Variants in NTM observed in about 807,000 individuals in gnomAD.
The protein encoded by NTM is neurotrimin, also known as IgLON family member 2.
NTM carries 13 observed loss-of-function variants against 42.1 expected under a neutral mutation model. That is an observed-to-expected ratio of 0.31 (90% CI 0.20 to 0.49). The LOEUF is 0.49. Among genes scored for constraint, NTM ranks in the 20% least tolerant of loss-of-function variants. The pLI is 0.99. For missense variants in NTM, 373 were observed against 452.8 expected (o/e 0.82, Z 1.60); for synonymous variants, 187 against 179.2 (o/e 1.04, Z -0.35).
At chr11:131,947,446 C>T (rs1230565645) in intron 2 of NTM, among the ~76,000 whole-genome samples, 1 of 152,166 alleles carries the variant, frequency 6.6e-6, no homozygotes, top group African/African-American at 2.4e-5. Flanking sequence ...CTCCCCGGGA[C>T]TGTCTTCCTG....
intron 1 of NTM, among the ~76,000 whole-genome samples, chr11:131,376,097 C>T (rs1289378540): frequency 6.6e-6 from 1 of 152,128 alleles, no homozygotes; most frequent in East Asian, 1.9e-4. Flanking sequence ...TGCAGGCTTG[C>T]CTAGGAGAAG....
chr11:132,236,408 T>G (rs2088906666), intron 4 of NTM, among the ~76,000 whole-genome samples: 1 of 152,192 alleles, frequency 6.6e-6, no homozygotes, highest in South Asian at 2.1e-4. Context: ...AGACTTGGAA[T>G]CAAACAGACC....
At chr11:131,592,647 AACACACACACACACACACACAC>A (rs3040142) in intron 1 of NTM, among the ~76,000 whole-genome samples, 119 of 140,788 alleles carry the variant, frequency 8.5e-4, no homozygotes, top group Non-Finnish European at 1.2e-3. Context: ...ACACACCCCA[AACACACACACACACACACACAC>A]ACACACACAC....
At chr11:131,940,391 G>A (rs2059669082) in intron 2 of NTM, among the ~76,000 whole-genome samples, 2 of 152,346 alleles carry the variant, frequency 1.3e-5, no homozygotes, top group South Asian at 4.1e-4. Flanking sequence ...CAAGACGTTA[G>A]TGGGTATACA....
At chr11:131,660,428 C>G in intron 1 of NTM, 1 of 456,428 alleles carries the variant, frequency 2.2e-6, no homozygotes, top group South Asian at 1.6e-5. Context: ...AGAGCAGAGT[C>G]ATTTGAAAGA....
At chr11:131,546,349 G>C (rs983884935) in intron 1 of NTM, among the ~76,000 whole-genome samples, 2 of 152,150 alleles carry the variant, frequency 1.3e-5, no homozygotes, top group African/African-American at 4.8e-5. Context: ...ATACAAACAA[G>C]GTTCCCACGG....
chr11:131,604,968 A>G (rs1261231820), intron 1 of NTM, among the ~76,000 whole-genome samples: 3 of 151,922 alleles, frequency 2.0e-5, no homozygotes, highest in Non-Finnish European at 2.9e-5. Flanking sequence ...ACTGTAGGCT[A>G]CTAATACGTT....
chr11:132,219,635 C>G lies in NTM; in HGVS notation c.526+7488C>G, dbSNP rs181526325. Among the ~76,000 whole-genome samples, 152 of 152,110 alleles carry G rather than the reference C, an allele frequency of 1.0e-3. 1 individual carries two copies. Among genetic ancestry groups the G allele is most frequent in the African/African-American group, 3.5e-3 (145 of 41,484 alleles). ...AATTCATAAGAAAAGGCCCTCCCCC[C>G]CCACTGTCTTCCTCATGTGTACTCA... On this transcript the variant is annotated intron_variant, in intron 4 of 8. Coordinates refer to ENST00000683400, the MANE Select transcript of NTM (RefSeq NM_001352005.2).
At chr11:131,639,207 C>G (rs1042938453) in intron 1 of NTM, among the ~76,000 whole-genome samples, 3 of 152,182 alleles carry the variant, frequency 2.0e-5, no homozygotes, top group Non-Finnish European at 4.4e-5. Flanking sequence ...AATGTTAAGA[C>G]GTCTTTTAGC....
At chr11:131,506,258 GT>G (rs2047477474) in intron 1 of NTM, among the ~76,000 whole-genome samples, 1 of 152,128 alleles carries the variant, frequency 6.6e-6, no homozygotes, top group African/African-American at 2.4e-5. Context: ...TTCTCAGGGG[GT>G]TTATGGACCA....
intron 4 of NTM, among the ~76,000 whole-genome samples, chr11:132,279,320 A>G (rs550783343): frequency 6.6e-6 from 1 of 152,242 alleles, no homozygotes; most frequent in African/African-American, 2.4e-5. Flanking sequence ...TCATGAATCC[A>G]TTTGTCTTTA....
chr11:131,973,512 T>G (rs1430150100), intron 2 of NTM, among the ~76,000 whole-genome samples: 1 of 152,226 alleles, frequency 6.6e-6, no homozygotes, highest in East Asian at 1.9e-4. Flanking sequence ...TCTTCTCATC[T>G]TGTTTTTAGA....
chr11:131,804,887 G>A (rs1038812400), intron 1 of NTM, among the ~76,000 whole-genome samples: 17 of 151,998 alleles, frequency 1.1e-4, no homozygotes, highest in African/African-American at 2.7e-4. Flanking sequence ...ACTCTTTTTC[G>A]CCCCTTCTGA....
At chr11:131,577,663 G>A (rs1207730001) in intron 1 of NTM, among the ~76,000 whole-genome samples, 2 of 152,142 alleles carry the variant, frequency 1.3e-5, no homozygotes, top group African/African-American at 4.8e-5. Context: ...TTCATATCCC[G>A]CGGTGGTGTC....
chr11:132,325,386 G>C (rs1379688196), intron 7 of NTM, among the ~76,000 whole-genome samples: 99 of 152,166 alleles, frequency 6.5e-4, no homozygotes, highest in African/African-American at 1.3e-3. Flanking sequence ...CAAAAGAAGA[G>C]ATTTATGCAG....
chr11:132,320,852 A>C (rs1268059980), intron 7 of NTM, among the ~76,000 whole-genome samples: 1 of 151,526 alleles, frequency 6.6e-6, no homozygotes, highest in East Asian at 1.9e-4. Flanking sequence ...CTGCCTCCTC[A>C]AGTGGGTCCC....
intron 1 of NTM, among the ~76,000 whole-genome samples, chr11:131,545,062 A>G (rs1373294059): frequency 6.6e-6 from 1 of 152,124 alleles, no homozygotes; most frequent in African/African-American, 2.4e-5. Flanking sequence ...TATCACTGTC[A>G]CTGCAATTCA....
intron 1 of NTM, among the ~76,000 whole-genome samples, chr11:131,586,262 A>T (rs1436398839): frequency 6.6e-6 from 1 of 152,050 alleles, no homozygotes. Flanking sequence ...TGCAGAGACA[A>T]AGTCTTACTA....
chr11:131,734,561 G>A (rs1473540066), intron 1 of NTM, among the ~76,000 whole-genome samples: 9 of 152,070 alleles, frequency 5.9e-5, no homozygotes, highest in Admixed American at 6.5e-5. Context: ...TCACTGGCAG[G>A]ACGCAGTCAA....
Sources: gnomAD v4.1 joint callset for allele counts (sites outside exome capture counted in the v4.1 genomes callset) on GRCh38, gnomAD v4.1.1 for gene constraint, MANE v1.5 for transcripts, NCBI Gene and HGNC (gene_info 2026-07-23, HGNC 2026-07-21) for gene names.